Variants in SHLD2 observed in about 807,000 individuals in gnomAD.
SHLD2 encodes the protein RINN1-REV7-interacting novel NHEJ regulator 2.
In SHLD2, 30 loss-of-function variants were observed where a neutral mutation model predicts 73.2. That is an observed-to-expected ratio of 0.41 (90% CI 0.31 to 0.56). The LOEUF (loss-of-function observed/expected upper bound fraction) is 0.56. SHLD2 is among the 20% of genes least tolerant of loss of function. The probability of loss-of-function intolerance (pLI) is 0.28; values close to 1 mark genes in which losing one functional copy is unlikely to be tolerated. For missense variants in SHLD2, 745 were observed against 1,055.9 expected (o/e 0.71, Z 4.08); for synonymous variants, 285 against 370.1 (o/e 0.77, Z 2.64).
At chr10:87,168,269 C>T (rs927784702) in intron 4 of SHLD2, among the ~76,000 whole-genome samples, 4 of 152,038 alleles carry the variant, frequency 2.6e-5, no homozygotes, top group African/African-American at 9.7e-5. Context: ...AAATGTGGTA[C>T]ATATACACCA....
At chr10:87,119,840 G>A (rs1273758358) in intron 2 of SHLD2, among the ~76,000 whole-genome samples, 1 of 151,486 alleles carries the variant, frequency 6.6e-6, no homozygotes, top group Admixed American at 6.6e-5. Context: ...AATTACTACT[G>A]GATGCCTGTT....
At chr10:87,110,704 C>G (rs1346653812) in intron 2 of SHLD2, among the ~76,000 whole-genome samples, 1 of 151,500 alleles carries the variant, frequency 6.6e-6, no homozygotes, top group Non-Finnish European at 1.5e-5. Context: ...GGATCAAAGA[C>G]CTAAATATAA....
At chr10:87,109,269 C>T (rs532553637) in intron 2 of SHLD2, among the ~76,000 whole-genome samples, 19 of 151,896 alleles carry the variant, frequency 1.3e-4, no homozygotes, top group Non-Finnish European at 2.5e-4. Context: ...CCCACAAACA[C>T]TGGAGATTTT....
rs1453370569 is a variant in SHLD2, at chr10:87,167,158, A to G, written c.1634-3320A>G. Among the ~76,000 whole-genome samples, 3 of 152,174 alleles carry G rather than the reference A, an allele frequency of 2.0e-5. No individual in the cohort carries two copies. In the East Asian group the frequency reaches 5.8e-4, roughly 29 times the overall value. ...TTTAAGGATGATCTAGATTCAAGTA[A>G]TAGTTCAGTAATTTCATAAAACTCT... On this transcript the variant is annotated intron_variant, in intron 4 of 9. Transcript: ENST00000298786.
intron 2 of SHLD2, among the ~76,000 whole-genome samples, chr10:87,120,758 A>G (rs1843562837): frequency 1.3e-5 from 2 of 151,986 alleles, no homozygotes; most frequent in Admixed American, 1.3e-4. Flanking sequence ...TGCAGCCCAC[A>G]CTTGAGTGTT....
rs1349222360 is a variant in SHLD2 at position 87,158,122 on chromosome 10, C to T, written c.1600C>T (p.Leu534Phe). 2 of 1,611,292 alleles carry T rather than the reference C, an allele frequency of 1.2e-6. No individual in the cohort carries two copies. The highest frequency in any genetic ancestry group is 4.5e-5 in the East Asian group (2 of 44,768). The change falls in exon 4 of 10, where the codon CTT becomes TTT. Residue 534 changes from leucine (L) to phenylalanine (F), a missense_variant. Coordinates refer to ENST00000298786, the MANE Select transcript of SHLD2 (RefSeq NM_001330112.2). ...QSTFSSQLLN[L>F]GSYSSIQPEE... ...AACATTTAGCAGTCAGTTATTAAAT[C>T]TTGGGAGTTATTCATCTATTCAGCC... is the stretch of plus-strand genomic sequence containing the variant.
intron 2 of SHLD2, among the ~76,000 whole-genome samples, chr10:87,130,030 C>T (rs558979974): frequency 6.6e-6 from 1 of 151,714 alleles, no homozygotes; most frequent in Non-Finnish European, 1.5e-5. Context: ...TTTTTTTCTT[C>T]CCACAGTTGT....
At chr10:87,138,095 C>T (rs924968532) in intron 2 of SHLD2, among the ~76,000 whole-genome samples, 43 of 152,076 alleles carry the variant, frequency 2.8e-4, no homozygotes, top group African/African-American at 9.7e-4. Flanking sequence ...GTCAAGAGGT[C>T]GAGACCATCC....
rs1258913488 is a variant in SHLD2, at chr10:87,127,548, G to A, written c.-5-23802G>A. Among the ~76,000 whole-genome samples the A allele has an allele frequency of 1.3e-4, 9 of 67,676 alleles. 1 individual carries two copies. Among genetic ancestry groups the A allele is most frequent in the South Asian group, 5.1e-4 (1 of 1,972 alleles). The allele number at this position is 67,676 out of a possible 152,430, so 44.4% of individuals were successfully genotyped here. A position where few individuals can be genotyped will look rare whatever the true frequency, so the allele number is the denominator to read the frequency against. On this transcript the variant is annotated intron_variant, in intron 2 of 9. Transcript: ENST00000298786. Reference sequence around the variant, plus strand: ...TTACCCGCCCCCCCCCACCCCGTCTGCCACCCCCCGCCTCCCACTTTTTTG... The same window carrying A: ...TTACCCGCCCCCCCCCACCCCGTCTACCACCCCCCGCCTCCCACTTTTTTG...
chr10:87,118,636 A>C (rs187120978), intron 2 of SHLD2, among the ~76,000 whole-genome samples: 3 of 148,778 alleles, frequency 2.0e-5, no homozygotes, highest in Non-Finnish European at 4.4e-5. Context: ...TTTGTTTTTT[A>C]AATTTAGAGA....
chr10:87,147,072 G>GAAAAA (rs76041937), intron 2 of SHLD2, among the ~76,000 whole-genome samples: 2 of 95,310 alleles, frequency 2.1e-5, no homozygotes, highest in African/African-American at 7.9e-5. Context: ...AAAAAAAAAA[G>GAAAAA]AAAAAAAAAA....
upstream of SHLD2, chr10:87,095,082 A>G (rs1418111691): frequency 7.5e-6 from 1 of 133,990 alleles, no homozygotes; most frequent in Non-Finnish European, 1.6e-5. Context: ...CTCGCGCGCC[A>G]GTGGGGAAGG....
intron 2 of SHLD2, among the ~76,000 whole-genome samples, chr10:87,136,792 T>C (rs1424536995): frequency 6.6e-6 from 1 of 152,124 alleles, no homozygotes; most frequent in Non-Finnish European, 1.5e-5. Flanking sequence ...TTTTAAAAAT[T>C]GGTGGCTTGG....
intron 8 of SHLD2, 95 bp from the exon 9 acceptor site, chr10:87,186,990 T>C (rs945420685): frequency 3.6e-5 from 28 of 784,000 alleles, no homozygotes; most frequent in African/African-American, 3.5e-4. Flanking sequence ...TAATCCTGCA[T>C]AAAAACCAAG....
At chr10:87,177,894 C>T (rs1025670695) in intron 7 of SHLD2, among the ~76,000 whole-genome samples, 1 of 152,122 alleles carries the variant, frequency 6.6e-6, no homozygotes, top group African/African-American at 2.4e-5. Flanking sequence ...TGTAAATTTA[C>T]AAAATGATAG....
chr10:87,145,460 C>T (rs1473658160), intron 2 of SHLD2, among the ~76,000 whole-genome samples: 2 of 151,762 alleles, frequency 1.3e-5, no homozygotes, highest in Non-Finnish European at 2.9e-5. Flanking sequence ...GTTCCAAATC[C>T]CTTGCTTTTA....
chr10:87,120,539 G>A lies in SHLD2; in HGVS notation c.-6+23550G>A, dbSNP rs577515805. Among the ~76,000 whole-genome samples, 8 of 151,932 alleles carry A rather than the reference G, an allele frequency of 5.3e-5. No homozygotes were observed. The South Asian group carries it at 8.3e-4, about 16-fold the overall frequency. ...TGGGATTACAGGCGTGAACCACCGC[G>A]CCCGGCCGTGTTGAAGTTTTTAATA... On this transcript the variant is annotated intron_variant, in intron 2 of 9. Coordinates refer to ENST00000298786, the MANE Select transcript of SHLD2 (RefSeq NM_001330112.2).
At chr10:87,166,680 C>G (rs981723506) in intron 4 of SHLD2, among the ~76,000 whole-genome samples, 3 of 151,418 alleles carry the variant, frequency 2.0e-5, no homozygotes, top group African/African-American at 7.3e-5. Context: ...GCAAAGAGTT[C>G]AAGACCAATA....
upstream of SHLD2, chr10:87,094,760 A>G (rs776669520): frequency 3.9e-6 from 6 of 1,538,488 alleles, no homozygotes; most frequent in African/African-American, 2.9e-5. The surrounding 1 kb of genome is among the most constrained non-coding windows in gnomAD (Gnocchi z 6.6). Flanking sequence ...TCGCCCAGGT[A>G]GCGGTACATG....
Sources: allele counts gnomAD v4.1 joint callset (sites outside exome capture counted in the v4.1 genomes callset), GRCh38; gene constraint gnomAD v4.1.1; non-coding constraint Gnocchi (gnomAD v3.1); transcripts MANE v1.5; gene names NCBI Gene and HGNC (gene_info 2026-07-23, HGNC 2026-07-21).